The following KCNIP4 variants were observed in gnomAD, a reference collection of about 807,000 sequenced individuals.
KCNIP4 encodes Kv channel-interacting protein 4.
Under a neutral mutation model 34.0 loss-of-function variants are expected in KCNIP4, and 12 were observed. That is an observed-to-expected ratio of 0.35 (90% confidence interval 0.23 to 0.57). KCNIP4 has a LOEUF of 0.57. Among genes scored for constraint, KCNIP4 ranks in the 20% least tolerant of loss-of-function variants. The pLI is 0.83. For synonymous variants in KCNIP4, 124 were observed against 102.2 expected, an observed-to-expected ratio of 1.21 and a Z score of -1.29; for missense variants, 238 against 311.7, an observed-to-expected ratio of 0.76 and a Z score of 1.78.
At chr4:21,918,959 C>T (rs998833764) in intron 1 of KCNIP4, among the ~76,000 whole-genome samples, 18 of 152,084 alleles carry the variant, frequency 1.2e-4, no homozygotes, top group African/African-American at 4.1e-4. Flanking sequence ...TATATCCTTA[C>T]CTATAATTGA....
chr4:21,112,045 C>CTATCTATCTATCTATA (rs1560732838), intron 1 of KCNIP4, among the ~76,000 whole-genome samples: 16 of 148,534 alleles, frequency 1.1e-4, no homozygotes, highest in African/African-American at 3.9e-4. Flanking sequence ...ATCTATCTAT[C>CTATCTATCTATCTATA]TATCTATCTA....
At chr4:21,105,555 A>T (rs1577699366) in intron 1 of KCNIP4, among the ~76,000 whole-genome samples, 1 of 151,578 alleles carries the variant, frequency 6.6e-6, no homozygotes, top group Non-Finnish European at 1.5e-5. Flanking sequence ...GGACAACTTG[A>T]CTTCCTCTTT....
intron 1 of KCNIP4, among the ~76,000 whole-genome samples, chr4:21,500,371 T>G (rs1733214199): frequency 6.6e-6 from 1 of 152,116 alleles, no homozygotes. Flanking sequence ...GTTTCTGAAA[T>G]TTACTACTCA....
At chr4:21,037,051 A>G (rs1470212615) in intron 1 of KCNIP4, among the ~76,000 whole-genome samples, 5 of 152,172 alleles carry the variant, frequency 3.3e-5, no homozygotes, top group Non-Finnish European at 7.3e-5. Context: ...AAAATACAAT[A>G]AGAATATGAA....
intron 3 of KCNIP4, among the ~76,000 whole-genome samples, chr4:20,803,710 A>G (rs1005234695): frequency 1.1e-4 from 8 of 75,608 alleles, no homozygotes; most frequent in Admixed American, 5.0e-4. Context: ...AGAAAGAGAG[A>G]GAGAGAGAGA....
intron 1 of KCNIP4, among the ~76,000 whole-genome samples, chr4:21,269,702 A>G (rs996225859): frequency 2.6e-5 from 4 of 152,098 alleles, no homozygotes; most frequent in Non-Finnish European, 5.9e-5. Context: ...CCCCAGCTTC[A>G]TTTTAGAGTG....
intron 1 of KCNIP4, among the ~76,000 whole-genome samples, chr4:20,972,295 G>A (rs570533618): frequency 1.6e-4 from 25 of 152,122 alleles, no homozygotes; most frequent in East Asian, 3.9e-4. Flanking sequence ...AATTTATTTC[G>A]TCTAGATCTA....
intron 1 of KCNIP4, among the ~76,000 whole-genome samples, chr4:21,432,089 AGCATATATATATAT>A (rs1560399510): frequency 2.3e-5 from 1 of 42,712 alleles, no homozygotes; most frequent in Non-Finnish European, 4.3e-5. Flanking sequence ...TGAAAATGGA[AGCATATATATATAT>A]ATATATATAT....
chr4:21,400,561 T>G (rs1723456247), intron 1 of KCNIP4, among the ~76,000 whole-genome samples: 1 of 117,212 alleles, frequency 8.5e-6, no homozygotes, highest in Non-Finnish European at 2.0e-5. Context: ...TTCTCTTCTC[T>G]TCTCTTCTCT....
chr4:21,648,307 G>A (rs1399007514), intron 1 of KCNIP4, among the ~76,000 whole-genome samples: 1 of 152,130 alleles, frequency 6.6e-6, no homozygotes, highest in Non-Finnish European at 1.5e-5. Flanking sequence ...AAGCTGTAAT[G>A]TCACATGTTT....
At chr4:21,038,288 G>A (rs10034896) in intron 1 of KCNIP4, among the ~76,000 whole-genome samples, 3,775 of 152,192 alleles carry the variant, frequency 0.025, 148 homozygotes, top group African/African-American at 0.085. Context: ...AATGCTTTCT[G>A]TAACTTCCAC....
At chr4:20,909,274 C>T (rs768761755) in intron 1 of KCNIP4, among the ~76,000 whole-genome samples, 1 of 152,020 alleles carries the variant, frequency 6.6e-6, no homozygotes, top group Non-Finnish European at 1.5e-5. Flanking sequence ...TCACTGTTTT[C>T]CATAGAGTGT....
chr4:21,400,583 T>G (rs1723468274), intron 1 of KCNIP4, among the ~76,000 whole-genome samples: 1 of 140,324 alleles, frequency 7.1e-6, no homozygotes. Flanking sequence ...CTCTTCGTTC[T>G]TTCTTTCTTC....
At chr4:21,519,425 C>T (rs961580446) in intron 1 of KCNIP4, among the ~76,000 whole-genome samples, 1 of 87,676 alleles carries the variant, frequency 1.1e-5, no homozygotes, top group African/African-American at 3.6e-5. Flanking sequence ...TGTATATATA[C>T]ACATATGTGT....
chr4:21,063,864 CAA>C (rs1247034034), intron 1 of KCNIP4, among the ~76,000 whole-genome samples: 4 of 152,092 alleles, frequency 2.6e-5, no homozygotes, highest in East Asian at 3.9e-4. Flanking sequence ...TCAAATGACT[CAA>C]GTTTATATTA....
At chr4:20,849,725 T>C (rs1720797205) in intron 3 of KCNIP4, among the ~76,000 whole-genome samples, 1 of 152,210 alleles carries the variant, frequency 6.6e-6, no homozygotes, top group Non-Finnish European at 1.5e-5. Flanking sequence ...AACTATATGT[T>C]GGGATGTGTA....
intron 1 of KCNIP4, among the ~76,000 whole-genome samples, chr4:21,754,716 A>T (rs1405451232): frequency 1.4e-4 from 22 of 152,200 alleles, no homozygotes; most frequent in Non-Finnish European, 1.5e-5. Flanking sequence ...CAACTCTAGG[A>T]TGGGATGAAG....
At chr4:21,034,512 G>C (rs2149768965) in intron 1 of KCNIP4, among the ~76,000 whole-genome samples, 1 of 152,248 alleles carries the variant, frequency 6.6e-6, no homozygotes, top group East Asian at 1.9e-4. Flanking sequence ...TATGACTGGG[G>C]CACCCTTGTC....
chr4:21,748,764 A>C (rs1240953904), intron 1 of KCNIP4, among the ~76,000 whole-genome samples: 1 of 152,158 alleles, frequency 6.6e-6, no homozygotes, highest in Non-Finnish European at 1.5e-5. Context: ...AAAGAAATAG[A>C]TAGCCCGGAT....
Sources: gnomAD v4.1 joint callset for allele counts (sites outside exome capture counted in the v4.1 genomes callset) on GRCh38, gnomAD v4.1.1 for gene constraint, MANE v1.5 for transcripts, NCBI Gene and HGNC (gene_info 2026-07-23, HGNC 2026-07-21) for gene names.